Variants in ZNF846 observed in about 807,000 individuals in gnomAD.
ZNF846 encodes zinc finger protein 846.
ZNF846 carries 15 observed loss-of-function variants against 16.0 expected under a neutral mutation model. The ratio of observed to expected loss-of-function variants is 0.94; its 90% CI spans 0.63 to 1.45. ZNF846 has a LOEUF of 1.45. Among genes scored for constraint, ZNF846 ranks in the 40% most tolerant of loss-of-function variants. The probability of loss-of-function intolerance (pLI) is 0.00; values close to 1 mark genes in which losing one functional copy is unlikely to be tolerated. For missense variants in ZNF846, 714 were observed against 622.3 expected, an observed-to-expected ratio of 1.15 and a Z score of -1.57; for synonymous variants, 229 against 212.0, an observed-to-expected ratio of 1.08 and a Z score of -0.70.
chr19:9,783,697 T>G (rs972375405), intron 1 of ZNF846, among the ~76,000 whole-genome samples: 31 of 150,822 alleles, frequency 2.1e-4, no homozygotes, highest in East Asian at 5.8e-4. Flanking sequence ...TTTTGTTTTT[T>G]TTTTTAATTT....
chr19:9,755,389 C>G (rs1030284336), downstream of ZNF846: 2 of 151,652 alleles, frequency 1.3e-5, no homozygotes, highest in South Asian at 4.1e-4. Flanking sequence ...AATTTCTCCT[C>G]TAGTATGATC....
intron 1 of ZNF846, among the ~76,000 whole-genome samples, chr19:9,779,865 G>A (rs1054318632): frequency 1.0e-4 from 15 of 150,094 alleles, no homozygotes; most frequent in African/African-American, 3.0e-4. Context: ...GAGTCACCAC[G>A]CCCGGCCATC....
At chr19:9,785,200 A>ATTTTT (rs36014913) in intron 1 of ZNF846, among the ~76,000 whole-genome samples, 1 of 114,656 alleles carries the variant, frequency 8.7e-6, no homozygotes, top group Non-Finnish European at 1.8e-5. Flanking sequence ...CTTCACCGAG[A>ATTTTT]TTTTTTTTTT....
chr19:9,769,668 C>A (rs1207952719), upstream of ZNF846, among the ~76,000 whole-genome samples: 1 of 152,068 alleles, frequency 6.6e-6, no homozygotes, highest in Non-Finnish European at 1.5e-5. Flanking sequence ...ACCAGCGACA[C>A]CCTGTTTGAA....
rs866943838 is a variant in ZNF846, at chr19:9,785,214, T to G, written c.-86+724A>C. Among the ~76,000 whole-genome samples, 1,314 of 149,616 alleles carry G rather than the reference T, an allele frequency of 8.8e-3. 17 individuals are homozygous for G. The highest frequency in any genetic ancestry group is 0.03 in the African/African-American group (1,206 of 40,580). ...CCTTCACCGAGATTTTTTTTTTTTTTTTTTTTTGAGACGGAGTCTCGCTCT... is the reference window on the plus strand; with the variant it reads ...CCTTCACCGAGATTTTTTTTTTTTTGTTTTTTTGAGACGGAGTCTCGCTCT... On this transcript the variant is annotated intron_variant, in intron 1 of 4. Transcript: ENST00000586814.
chr19:9,774,844 G>C, intron 1 of ZNF846: 1 of 1,609,740 alleles, frequency 6.2e-7, no homozygotes, highest in Non-Finnish European at 8.5e-7. Flanking sequence ...ATGACCCCCA[G>C]CCCGAGCACC....
intron 4 of ZNF846, 67 bp downstream of exon 4, chr19:9,762,015 C>T: frequency 1.5e-6 from 2 of 1,351,728 alleles, no homozygotes; most frequent in Non-Finnish European, 2.1e-6. Context: ...GTAACATTTC[C>T]AATGTACTGC....
intron 5 of ZNF846, 113 bp downstream of exon 5, chr19:9,759,747 G>T: frequency 1.4e-6 from 1 of 697,312 alleles, no homozygotes; most frequent in Non-Finnish European, 2.4e-6. Context: ...GATATTCAGA[G>T]AATCTCTTCA....
chr19:9,750,938 GTTTAAC>G (rs1351719566), downstream of ZNF846, among the ~76,000 whole-genome samples: 1 of 152,150 alleles, frequency 6.6e-6, no homozygotes, highest in Non-Finnish European at 1.5e-5. Flanking sequence ...AAGAGTGTTT[GTTTAAC>G]TTTAATCAGT....
downstream of ZNF846, among the ~76,000 whole-genome samples, chr19:9,751,782 TCCA>T (rs2045085704): frequency 2.6e-5 from 4 of 152,102 alleles, no homozygotes; most frequent in Admixed American, 6.5e-5. Context: ...CTTCATAACA[TCCA>T]TCCCCTGCCC....
intron 1 of ZNF846, among the ~76,000 whole-genome samples, chr19:9,779,116 T>C (rs972437927): frequency 1.3e-5 from 2 of 152,186 alleles, no homozygotes; most frequent in Non-Finnish European, 2.9e-5. Flanking sequence ...ACTTTCTAGC[T>C]CTGAGGGTAA....
chr19:9,756,040 C>T (rs565692501), downstream of ZNF846: 18 of 148,490 alleles, frequency 1.2e-4, no homozygotes, highest in Admixed American at 1.2e-3. Context: ...GAGGTTTAAC[C>T]ATGTTGGCAG....
In ZNF846 at chr19:9,758,497, G is replaced by A. The variant is rs754297914; in HGVS notation, c.580C>T (p.Gln194Ter). The A allele has an allele frequency of 6.2e-7, 1 of 1,613,566 alleles. No homozygotes were observed. Among genetic ancestry groups the A allele is most frequent in the South Asian group, 1.1e-5 (1 of 91,058 alleles). The change falls in exon 6 of 6, where the codon CAA (glutamine) becomes TAA (stop). Residue 194 changes from glutamine (Q) to a stop codon, truncating the protein, a stop_gained. Transcript: ENST00000397902. LOFTEE classifies it low-confidence loss of function (END_TRUNC). ...TCTTTGCATTCACACAATTTCTCTT[G>A]TGTGTGAGTTTTATTCTGCCTAGTA...
At chr19:9,776,272 G>T (rs1471236928) in intron 1 of ZNF846, among the ~76,000 whole-genome samples, 6 of 152,200 alleles carry the variant, frequency 3.9e-5, no homozygotes, top group Non-Finnish European at 8.8e-5. Flanking sequence ...AGCCAGGCTT[G>T]CCCACTGTTA....
chr19:9,759,209 G>T (rs2045182942), intron 5 of ZNF846, among the ~76,000 whole-genome samples: 3 of 151,814 alleles, frequency 2.0e-5, no homozygotes, highest in Admixed American at 2.0e-4. Flanking sequence ...TGTTGACCAG[G>T]CTAGTCTCCA....
chr19:9,770,668 G>T (rs943459745), upstream of ZNF846, among the ~76,000 whole-genome samples: 2 of 151,988 alleles, frequency 1.3e-5, no homozygotes, highest in Non-Finnish European at 2.9e-5. Flanking sequence ...AGGAGTTTAA[G>T]ACCAGCCTGG....
exon 6 of ZNF846, chr19:9,757,584 C>T (rs563965653): frequency 6.4e-5 from 103 of 1,613,580 alleles, no homozygotes; most frequent in Middle Eastern, 1.7e-4. Context: ...AGTGTGAGTT[C>T]GTGTGTGAAC....
intron 5 of ZNF846, 119 bp from the exon 6 acceptor site, chr19:9,758,883 A>T: frequency 1.2e-6 from 1 of 867,922 alleles, no homozygotes; most frequent in Non-Finnish European, 1.7e-6. Flanking sequence ...CATATCCATT[A>T]TATGTACAGA....
intron 1 of ZNF846, chr19:9,774,919 A>C: frequency 1.2e-6 from 2 of 1,609,694 alleles, no homozygotes; most frequent in Non-Finnish European, 1.7e-6. Context: ...AGAATGCTGA[A>C]GAGTTTACAA....
Sources: allele counts gnomAD v4.1 joint callset (sites outside exome capture counted in the v4.1 genomes callset), GRCh38; gene constraint gnomAD v4.1.1; transcripts MANE v1.5; gene names NCBI Gene and HGNC (gene_info 2026-07-23, HGNC 2026-07-21).